DNM2: variants seen among roughly 807,000 people sequenced by gnomAD.
DNM2 encodes the protein dynamin-2.
Under a neutral mutation model 99.0 loss-of-function variants are expected in DNM2, and 15 were observed. The ratio of observed to expected loss-of-function variants is 0.15; its 90% CI spans 0.10 to 0.23. The LOEUF is 0.23. Among genes scored for constraint, DNM2 ranks in the 10% least tolerant of loss-of-function variants. The pLI is 1.00. For missense variants in DNM2, 742 were observed against 1,189.4 expected, an observed-to-expected ratio of 0.62 and a Z score of 5.53; for synonymous variants, 525 against 481.2, an observed-to-expected ratio of 1.09 and a Z score of -1.19.
Position 10,772,262 on chromosome 19 carries a change from G to A in DNM2, c.236-217G>A, listed in dbSNP as rs1330016636. Among the ~76,000 whole-genome samples, 1 of 151,778 alleles carries A rather than the reference G, an allele frequency of 6.6e-6. No individual in the cohort carries two copies. Among genetic ancestry groups the A allele is most frequent in the Non-Finnish European group, 1.5e-5 (1 of 67,934 alleles). On this transcript the variant is annotated intron_variant, in intron 2 of 20. Transcript: ENST00000389253. The surrounding 1 kb of genome is among the most constrained non-coding windows in gnomAD (Gnocchi z 4.9). ...GCCAGGCTAATTTTTTGTATTTTTA[G>A]TAGAGACAGGGTTTCACCATGTTAG...
intron 1 of DNM2, 172 bp from the exon 2 acceptor site, chr19:10,759,566 C>G: frequency 1.3e-6 from 1 of 757,256 alleles, no homozygotes. Context: ...CTGAGCTCTT[C>G]AGGCCTCAGG....
chr19:10,812,453 G>A lies in DNM2; in HGVS notation c.1671+76G>A. 8.0e-7 allele frequency: 1 copy of A among 1,247,196 alleles called. No homozygotes were observed. The highest frequency in any genetic ancestry group is 1.1e-6 in the Non-Finnish European group (1 of 882,322). 77.3% of individuals were successfully genotyped at this position (1,247,196 alleles called of 1,614,324 possible). On this transcript the variant is annotated intron_variant, in intron 15 of 20. Transcript: ENST00000389253. The surrounding 1 kb of genome is among the most constrained non-coding windows in gnomAD (Gnocchi z 4.0). ...AAGAGCGGGTGGGCGCTCCCTCTGG[G>A]CAGAACTCAGTCACTGCGCCACTCT... is the stretch of plus-strand genomic sequence containing the variant.
chr19:10,731,644 G>A (rs1033192157), intron 1 of DNM2, among the ~76,000 whole-genome samples: 1 of 152,194 alleles, frequency 6.6e-6, no homozygotes, highest in Non-Finnish European at 1.5e-5. Flanking sequence ...GTGAGCCGCC[G>A]TGCCCGGCCC....
chr19:10,757,699 CT>C (rs1310895801), intron 1 of DNM2, among the ~76,000 whole-genome samples: 2 of 152,132 alleles, frequency 1.3e-5, no homozygotes, highest in Non-Finnish European at 2.9e-5. Flanking sequence ...AAACCCAGCA[CT>C]TTGGGAGGCC....
chr19:10,768,859 C>T (rs2070885444), intron 2 of DNM2: 1 of 152,198 alleles, frequency 6.6e-6, no homozygotes, highest in African/African-American at 2.4e-5. Context: ...CATGGACATT[C>T]AAGGTAAAGC....
intron 5 of DNM2, chr19:10,781,915 C>G (rs907279038): frequency 1.3e-5 from 2 of 152,138 alleles, no homozygotes; most frequent in Non-Finnish European, 2.9e-5. Flanking sequence ...TTTGGACTTT[C>G]TTTTCAGTTC....
chr19:10,770,036 A>G (rs2070923744), intron 2 of DNM2, among the ~76,000 whole-genome samples: 1 of 152,188 alleles, frequency 6.6e-6, no homozygotes, highest in Admixed American at 6.5e-5. Flanking sequence ...CAGTTTTGTC[A>G]TCTTTGAAAT....
intron 2 of DNM2, among the ~76,000 whole-genome samples, chr19:10,770,195 G>C (rs79566221): frequency 2.9e-3 from 438 of 152,346 alleles, no homozygotes; most frequent in African/African-American, 0.01. Flanking sequence ...GAAGATTCTA[G>C]ACCTGGCTGG....
intron 1 of DNM2, among the ~76,000 whole-genome samples, chr19:10,734,015 A>T (rs563844934): frequency 1.2e-3 from 165 of 141,460 alleles, no homozygotes; most frequent in African/African-American, 3.8e-3. Flanking sequence ...CTCAAAAAAT[A>T]AAAAAAAAAA....
intron 1 of DNM2, among the ~76,000 whole-genome samples, chr19:10,742,945 C>T (rs921228987): frequency 6.7e-6 from 1 of 149,564 alleles, no homozygotes; most frequent in Admixed American, 6.7e-5. Context: ...ACAGAGTCTC[C>T]CTCTGTCATG....
intron 1 of DNM2, among the ~76,000 whole-genome samples, chr19:10,740,229 T>G (rs374935648): frequency 3.2e-4 from 49 of 152,256 alleles, no homozygotes; most frequent in African/African-American, 9.9e-4. Flanking sequence ...TGTGGTGGTG[T>G]TAACTTCTCT....
At chr19:10,746,209 C>A (rs767073976) in intron 1 of DNM2, among the ~76,000 whole-genome samples, 1 of 152,206 alleles carries the variant, frequency 6.6e-6, no homozygotes, top group African/African-American at 2.4e-5. Context: ...GATCCACCCA[C>A]CTCGGCCTTC....
chr19:10,740,372 C>CT (rs887905345), intron 1 of DNM2, among the ~76,000 whole-genome samples: 8 of 147,768 alleles, frequency 5.4e-5, no homozygotes, highest in Admixed American at 1.4e-4. Flanking sequence ...AAATCTTTCT[C>CT]TTTTTTTTGT....
rs559308390 is a variant in DNM2, at chr19:10,770,650, A to G, written c.236-1829A>G. Among the ~76,000 whole-genome samples the G allele has an allele frequency of 4.9e-4, 75 of 152,330 alleles. No individual in the cohort carries two copies. The Middle Eastern group carries it at 0.01, about 21-fold the overall frequency. On this transcript the variant is annotated intron_variant, in intron 2 of 20. Transcript: ENST00000389253. Reference sequence around the variant, plus strand: ...ACAGCTGGGCTGGGGAAGCCCCACAATCATGGCAGAAGGCAAGGAGGAGCA... The same window carrying G: ...ACAGCTGGGCTGGGGAAGCCCCACAGTCATGGCAGAAGGCAAGGAGGAGCA...
chr19:10,720,301 C>A (rs1019341409), intron 1 of DNM2, among the ~76,000 whole-genome samples: 2 of 151,734 alleles, frequency 1.3e-5, no homozygotes, highest in Non-Finnish European at 2.9e-5. Context: ...CAACCTCTGC[C>A]TCCCAGGTTC....
chr19:10,755,585 C>CAAGTG (rs1038767437), intron 1 of DNM2: 1 of 151,700 alleles, frequency 6.6e-6, no homozygotes, highest in Non-Finnish European at 1.5e-5. Context: ...CTCAGCCTCC[C>CAAGTG]AAGTGGTTGC....
intron 19 of DNM2, among the ~76,000 whole-genome samples, chr19:10,829,534 A>G (rs1460234293): frequency 6.6e-6 from 1 of 152,120 alleles, no homozygotes; most frequent in Admixed American, 6.5e-5. Context: ...GCACAGCCCA[A>G]ATGGAAGCTG....
chr19:10,735,102 G>A (rs902728321), intron 1 of DNM2, among the ~76,000 whole-genome samples: 4 of 152,000 alleles, frequency 2.6e-5, no homozygotes, highest in African/African-American at 9.7e-5. Context: ...GGAGTGCAGC[G>A]GCGCGATCTC....
At chr19:10,783,156 T>A in intron 6 of DNM2, 36 bp downstream of exon 6, 1 of 1,603,896 alleles carries the variant, frequency 6.2e-7, no homozygotes, top group Non-Finnish European at 8.5e-7. Flanking sequence ...TGCAGTGGCA[T>A]AGGCTGTGCA....
Sources: gnomAD v4.1 joint callset for allele counts (sites outside exome capture counted in the v4.1 genomes callset) on GRCh38, gnomAD v4.1.1 for gene constraint, Gnocchi (gnomAD v3.1) non-coding constraint, MANE v1.5 for transcripts, NCBI Gene and HGNC (gene_info 2026-07-23, HGNC 2026-07-21) for gene names.